The following NRP2 variants were observed in gnomAD, a reference collection of about 807,000 sequenced individuals.
NRP2 encodes neuropilin-2.
NRP2 carries 52 observed loss-of-function variants against 110.4 expected under a neutral mutation model. The observed-to-expected ratio is 0.47, with a 90% CI of 0.38 to 0.59. The LOEUF is 0.59. Among genes scored for constraint, NRP2 ranks in the 20% least tolerant of loss-of-function variants. NRP2 has a pLI of 0.00. For missense variants in NRP2, 1,049 were observed against 1,203.0 expected, an observed-to-expected ratio of 0.87 and a Z score of 1.89; for synonymous variants, 508 against 468.9, an observed-to-expected ratio of 1.08 and a Z score of -1.08.
At chr2:205,776,985 TGA>T in intron 15 of NRP2, 1 of 1,063,226 alleles carries the variant, frequency 9.4e-7, no homozygotes. Flanking sequence ...TGTGGGTGTG[TGA>T]GAGAGCGGCT....
intron 3 of NRP2, among the ~76,000 whole-genome samples, chr2:205,719,420 C>T (rs1219444593): frequency 7.0e-6 from 1 of 143,650 alleles, no homozygotes; most frequent in Non-Finnish European, 1.5e-5. Flanking sequence ...TAAGCCAGAA[C>T]AACTTACATA....
At chr2:205,734,846 C>T (rs771839334) in intron 7 of NRP2, among the ~76,000 whole-genome samples, 1 of 152,192 alleles carries the variant, frequency 6.6e-6, no homozygotes, top group African/African-American at 2.4e-5. Flanking sequence ...TCCAGCACTG[C>T]GCTGTCTTGG....
rs558964610 is a variant in NRP2, at chr2:205,769,236, A to G, written c.2425+2433A>G. ...ACCATAGGCATTTACATTGTTATAC[A>G]TTTTTCAAATTAGAGTGTTTTTCTT... On this transcript the variant is annotated intron_variant, in intron 15 of 16. Coordinates refer to ENST00000357785, the MANE Select transcript of NRP2 (RefSeq NM_003872.3). Among the ~76,000 whole-genome samples the G allele has an allele frequency of 1.3e-4, 20 of 152,250 alleles. No individual in the cohort carries two copies. In the South Asian group the frequency reaches 3.9e-3, roughly 30 times the overall value.
At chr2:205,746,381 C>T (rs543922700) in intron 10 of NRP2, among the ~76,000 whole-genome samples, 1 of 152,340 alleles carries the variant, frequency 6.6e-6, no homozygotes, top group South Asian at 2.1e-4. Flanking sequence ...CTGATGGGGG[C>T]AGGACTCCTT....
At chr2:205,767,027 T>A (rs982217159) in intron 15 of NRP2, 1 of 600,132 alleles carries the variant, frequency 1.7e-6, no homozygotes, top group African/African-American at 1.9e-5. Flanking sequence ...TTTAGAAACC[T>A]ATTAATAGAG....
Position 205,682,875 on chromosome 2 carries a change from A to G in NRP2, c.-416A>G, listed in dbSNP as rs569728349. 5.0e-4 allele frequency: 100 copies of G among 201,006 alleles called. No individual in the cohort carries two copies. The highest frequency in any genetic ancestry group is 2.2e-3 in the African/African-American group (95 of 42,384). 12.5% of individuals were successfully genotyped at this position (201,006 alleles called of 1,614,324 possible). ...TGTCAGTTTACGCCTCTGAGATCAC[A>G]CAGCTGCCTGGGGGCCGTGTGATGC... On this transcript the variant is annotated 5_prime_UTR_variant, in exon 1 of 17. Transcript: ENST00000357785. The surrounding 1 kb of genome is among the most constrained non-coding windows in gnomAD (Gnocchi z 4.3).
At chr2:205,779,957 T>C (rs897933769) in intron 15 of NRP2, among the ~76,000 whole-genome samples, 1 of 152,242 alleles carries the variant, frequency 6.6e-6, no homozygotes, top group Non-Finnish European at 1.5e-5. Context: ...GTGTGGGATT[T>C]TGCAAAAGTT....
intron 15 of NRP2, chr2:205,778,919 C>G (rs933664589): frequency 6.6e-6 from 1 of 152,256 alleles, no homozygotes; most frequent in Non-Finnish European, 1.5e-5. Context: ...TTTGCTCTGT[C>G]TACCCCAGCA....
intron 12 of NRP2, among the ~76,000 whole-genome samples, chr2:205,756,318 A>T (rs1359914916): frequency 6.6e-6 from 1 of 152,130 alleles, no homozygotes; most frequent in Non-Finnish European, 1.5e-5. Context: ...ATGACATAGG[A>T]AGCACCCCCT....
chr2:205,734,168 G>GTT (rs1354051008), intron 7 of NRP2, among the ~76,000 whole-genome samples: 3 of 133,792 alleles, frequency 2.2e-5, no homozygotes, highest in Admixed American at 7.5e-5. Context: ...CTCTCTCTGT[G>GTT]TTTATATATA....
At position 205,766,829 on chromosome 2, in the gene NRP2, A is replaced by AG. The variant is rs764454486; in HGVS notation, c.2425+26_2425+27insG. Reference sequence around the variant, plus strand: ...GTGAGAATTTTAAAGGTAAAAAAAAATTTTTTTTTTGCATGCTTTTTCCTT... The same window carrying AG: ...GTGAGAATTTTAAAGGTAAAAAAAAAGTTTTTTTTTTGCATGCTTTTTCCTT... On this transcript the variant is annotated intron_variant, in intron 15 of 16. Transcript: ENST00000357785. The AG allele has an allele frequency of 1.3e-5, 20 of 1,538,950 alleles. No homozygotes were observed. The East Asian group carries it at 4.6e-4, about 35-fold the overall frequency.
At chr2:205,702,238 T>G (rs2056576378) in intron 2 of NRP2, among the ~76,000 whole-genome samples, 2 of 152,226 alleles carry the variant, frequency 1.3e-5, no homozygotes, top group East Asian at 3.8e-4. Flanking sequence ...TCTGACTTGT[T>G]TTTGCTTTTT....
intron 15 of NRP2, 133 bp downstream of exon 15, chr2:205,766,936 T>C (rs1575654294): frequency 5.0e-5 from 39 of 776,812 alleles, no homozygotes. Context: ...CGCCACACCT[T>C]CCTGCCGCTA....
chr2:205,683,505 C>T (rs2056063732), intron 1 of NRP2, 142 bp downstream of exon 1: 4 of 693,986 alleles, frequency 5.8e-6, no homozygotes, highest in South Asian at 3.2e-5. Context: ...CCAGCCGGCC[C>T]TTCCTACACC....
intron 14 of NRP2, chr2:205,765,777 A>G (rs569971871): frequency 1.4e-6 from 1 of 706,300 alleles, no homozygotes; most frequent in African/African-American, 1.7e-5. Context: ...GACGGCTTAT[A>G]TCCCTGTTCC....
At chr2:205,704,571 C>A (rs2056634540) in intron 2 of NRP2, among the ~76,000 whole-genome samples, 1 of 152,186 alleles carries the variant, frequency 6.6e-6, no homozygotes, top group South Asian at 2.1e-4. Flanking sequence ...CAACCTTGAC[C>A]ACAGGGTCCA....
chr2:205,745,975 AG>A (rs2057531641), intron 10 of NRP2, 85 bp downstream of exon 10: 3 of 1,500,170 alleles, frequency 2.0e-6, no homozygotes, highest in East Asian at 2.3e-5. Flanking sequence ...AGGGCTGTGG[AG>A]GGGGCAGCCA....
rs79824873 is a variant in NRP2, at chr2:205,734,987, C to T, written c.1147-5532C>T. 6.7e-3 allele frequency among the ~76,000 whole-genome samples: 1,023 copies of T among 152,176 alleles called. 6 individuals are homozygous for T. Among genetic ancestry groups the T allele is most frequent in the African/African-American group, 0.022 (913 of 41,486 alleles). ...GGAGTGTGCAAGCTGAGTGCTGAAG[C>T]GCTACTCACATGAGAGGTGGTGCAC... On this transcript the variant is annotated intron_variant, in intron 7 of 16. Coordinates refer to ENST00000357785, the MANE Select transcript of NRP2 (RefSeq NM_003872.3).
At chr2:205,733,090 G>A (rs1005544359) in intron 7 of NRP2, among the ~76,000 whole-genome samples, 1 of 152,124 alleles carries the variant, frequency 6.6e-6, no homozygotes, top group African/African-American at 2.4e-5. Flanking sequence ...AATGGAGAAG[G>A]ATCCAGTGCC....
Sources: allele counts gnomAD v4.1 joint callset (sites outside exome capture counted in the v4.1 genomes callset), GRCh38; gene constraint gnomAD v4.1.1; non-coding constraint Gnocchi (gnomAD v3.1); transcripts MANE v1.5; gene names NCBI Gene and HGNC (gene_info 2026-07-23, HGNC 2026-07-21).